The following TP53BP1 variants were observed in gnomAD, a reference collection of about 807,000 sequenced individuals.
The protein encoded by TP53BP1 is TP53-binding protein 1.
A neutral mutation model predicts 200.8 loss-of-function variants in TP53BP1; 61 were observed. The observed-to-expected ratio is 0.30, with a 90% CI of 0.25 to 0.38. The LOEUF (loss-of-function observed/expected upper bound fraction) is 0.38. Among genes scored for constraint, TP53BP1 ranks in the 10% least tolerant of loss-of-function variants. The probability of loss-of-function intolerance (pLI) is 1.00; values close to 1 mark genes in which losing one functional copy is unlikely to be tolerated. For missense variants in TP53BP1, 2,144 were observed against 2,371.9 expected (o/e 0.90, Z 2.00); for synonymous variants, 822 against 844.3 (o/e 0.97, Z 0.46).
intron 7 of TP53BP1, among the ~76,000 whole-genome samples, chr15:43,478,470 T>C (rs1046047208): frequency 6.6e-6 from 1 of 152,218 alleles, no homozygotes; most frequent in Non-Finnish European, 1.5e-5. Flanking sequence ...CTCCCCACTC[T>C]TTCCATTGAA....
At chr15:43,407,706 G>A (rs2044957179) in intron 27 of TP53BP1, 136 bp from the exon 28 acceptor site, 2 of 875,740 alleles carry the variant, frequency 2.3e-6, no homozygotes, top group South Asian at 1.8e-5. Context: ...CACTGCTACT[G>A]ATCATGACCA....
rs200106501 is a variant in TP53BP1 at position 43,421,962 on chromosome 15, G to A, written c.3993C>T (p.Ser1331=). The A allele has an allele frequency of 6.2e-7, 1 of 1,614,176 alleles. No homozygotes were observed. Among genetic ancestry groups the A allele is most frequent in the East Asian group, 2.2e-5 (1 of 44,886 alleles). The change falls in exon 19 of 28, where the codon AGC becomes AGT. Residue 1331 remains serine, a synonymous_variant. Coordinates refer to ENST00000382044, the MANE Select transcript of TP53BP1 (RefSeq NM_001141980.3). ...SSGTSLSAMH[S]SGSSGKGAGP... is the part of the protein sequence containing the mutation. ...CGGCTCCTTTCCCTGAGCTTCCACT[G>A]CTGTGCATAGCTGAGAGACTTGTCC...
chr15:43,459,314 G>A (rs1285260661), intron 11 of TP53BP1, among the ~76,000 whole-genome samples: 2 of 152,130 alleles, frequency 1.3e-5, no homozygotes, highest in Non-Finnish European at 2.9e-5. Context: ...TCCAGCCTCA[G>A]CGACAGAGCG....
intron 4 of TP53BP1, among the ~76,000 whole-genome samples, chr15:43,489,500 C>T (rs954017779): frequency 2.0e-5 from 3 of 152,202 alleles, no homozygotes; most frequent in African/African-American, 7.2e-5. Flanking sequence ...AGTGAAGCAG[C>T]TGGGTGTAAG....
chr15:43,461,880 G>A (rs1278059222), intron 11 of TP53BP1, among the ~76,000 whole-genome samples: 1 of 151,484 alleles, frequency 6.6e-6, no homozygotes, highest in Non-Finnish European at 1.5e-5. Flanking sequence ...GTGTTGGCCA[G>A]GCCGGTCTCA....
rs368366606 is a variant in TP53BP1 at position 43,409,044 on chromosome 15, C to G, written c.5453G>C (p.Arg1818Pro). Residue 1818 changes from arginine (R) to proline (P), a missense_variant, in exon 26 of 28, where the codon CGG (arginine) becomes CCG (proline). Physicochemically the swap from Arg to Pro is moderately radical, Grantham distance 103. Coordinates refer to ENST00000382044, the MANE Select transcript of TP53BP1 (RefSeq NM_001141980.3). ...ACTGGCAAGGCACAGGAAGTACTTCCGGGTTCGACAATGCTGATCCGCAAT... is the reference window on the plus strand; with the variant it reads ...ACTGGCAAGGCACAGGAAGTACTTCGGGGTTCGACAATGCTGATCCGCAAT... ...LLIADQHCRT[R>P]KYFLCLASGI... The G allele has an allele frequency of 1.2e-6, 2 of 1,614,072 alleles. No homozygotes were observed. The highest frequency in any genetic ancestry group is 2.7e-5 in the African/African-American group (2 of 74,922).
At chr15:43,412,492 C>T (rs910747533) in intron 24 of TP53BP1, among the ~76,000 whole-genome samples, 1 of 152,242 alleles carries the variant, frequency 6.6e-6, no homozygotes, top group African/African-American at 2.4e-5. Context: ...CCTCTACCCA[C>T]TGCAGCCTTC....
intron 14 of TP53BP1, among the ~76,000 whole-genome samples, chr15:43,444,360 G>A (rs1162293128): frequency 6.6e-6 from 1 of 152,166 alleles, no homozygotes; most frequent in Non-Finnish European, 1.5e-5. Context: ...TCCCACCTCA[G>A]CCTCTGGCAT....
intron 1 of TP53BP1, among the ~76,000 whole-genome samples, chr15:43,508,188 C>T (rs1482525463): frequency 6.6e-6 from 1 of 152,082 alleles, no homozygotes; most frequent in Non-Finnish European, 1.5e-5. Context: ...GGTGAAACCC[C>T]GTCTCTACTA....
In TP53BP1 at chr15:43,415,233, GT is replaced by G. The variant is rs763516790; in HGVS notation, c.5089+360del. 2.1e-3 allele frequency: 345 copies of G among 166,182 alleles called. 14 individuals are homozygous for G. The highest frequency in any genetic ancestry group is 4.1e-4 in the Non-Finnish European group (34 of 83,384). The allele number at this position is 166,182 out of a possible 1,614,324, so 10.3% of individuals were successfully genotyped here. On this transcript the variant is annotated intron_variant, in intron 23 of 27. Transcript: ENST00000382044. ...TTTTTTTTTTTTTTCTGGAGACCAAGTTTCACTCTTGTTGCCCAGGCTGGAG... is the reference window on the plus strand; with the variant it reads ...TTTTTTTTTTTTTTCTGGAGACCAAGTTCACTCTTGTTGCCCAGGCTGGAG...
At position 43,455,343 on chromosome 15, in the gene TP53BP1, ATAT is replaced by A. The variant is rs1401508482; in HGVS notation, c.2716+546_2716+548del. On this transcript the variant is annotated intron_variant, in intron 12 of 27. Coordinates refer to ENST00000382044, the MANE Select transcript of TP53BP1 (RefSeq NM_001141980.3). ...AAAAACAGATTGGTACAATTTCTAAATATTTTTTACCAACTAGTCCCGAGTTAC... is the reference window on the plus strand; with the variant it reads ...AAAAACAGATTGGTACAATTTCTAAATTTTTACCAACTAGTCCCGAGTTAC... 3.9e-5 allele frequency among the ~76,000 whole-genome samples: 6 copies of A among 152,294 alleles called. No homozygotes were observed. The East Asian group carries it at 1.2e-3, about 29-fold the overall frequency.
At chr15:43,487,355 T>C (rs1410225907) in intron 4 of TP53BP1, among the ~76,000 whole-genome samples, 3 of 152,156 alleles carry the variant, frequency 2.0e-5, no homozygotes, top group African/African-American at 4.8e-5. Context: ...CACTCATACA[T>C]TGCTGGTGGG....
intron 11 of TP53BP1, among the ~76,000 whole-genome samples, chr15:43,469,237 G>C (rs892219274): frequency 6.6e-6 from 1 of 151,682 alleles, no homozygotes; most frequent in African/African-American, 2.4e-5. Flanking sequence ...GTTTTCCCTC[G>C]CTTTTAGAAG....
chr15:43,425,892 T>C (rs1283328421), intron 18 of TP53BP1, among the ~76,000 whole-genome samples: 1 of 151,774 alleles, frequency 6.6e-6, no homozygotes, highest in Non-Finnish European at 1.5e-5. Context: ...GGTGAAACCC[T>C]GTCTCTACTA....
At position 43,493,050 on chromosome 15, in the gene TP53BP1, G is replaced by A. The variant is rs201906661; in HGVS notation, c.-7C>T. ...TCCAAACAGTACCAGGCATCCCGGC[G>A]GGAGGTCCCTCGCGCTCGAGCTAGA... On this transcript the variant is annotated 5_prime_UTR_variant, in exon 1 of 28. Coordinates refer to ENST00000382044, the MANE Select transcript of TP53BP1 (RefSeq NM_001141980.3). 2,830 of 1,613,116 alleles carry A rather than the reference G, an allele frequency of 1.8e-3. 7 individuals are homozygous for A. Among genetic ancestry groups the A allele is most frequent in the Non-Finnish European group, 1.5e-3 (1,809 of 1,179,666 alleles).
intron 13 of TP53BP1, chr15:43,446,830 A>G: frequency 6.8e-7 from 1 of 1,461,822 alleles, no homozygotes; most frequent in Non-Finnish European, 9.2e-7. Context: ...ATGCTGCATG[A>G]GCCCTCAGCC....
At chr15:43,476,277 A>G (rs1414266467) in intron 8 of TP53BP1, among the ~76,000 whole-genome samples, 1 of 152,178 alleles carries the variant, frequency 6.6e-6, no homozygotes. Flanking sequence ...AAAAATAAAT[A>G]AATAAATAAA....
chr15:43,475,287 G>A (rs996367527), intron 9 of TP53BP1, among the ~76,000 whole-genome samples: 1 of 152,198 alleles, frequency 6.6e-6, no homozygotes, highest in Non-Finnish European at 1.5e-5. Flanking sequence ...GTAAAACAGA[G>A]GAGCAGAATG....
intron 12 of TP53BP1, among the ~76,000 whole-genome samples, chr15:43,451,017 C>A (rs573752470): frequency 2.6e-5 from 4 of 152,098 alleles, no homozygotes; most frequent in Admixed American, 2.0e-4. Context: ...TGGAATTACG[C>A]GTGCACGCCA....
Sources: gnomAD v4.1 joint callset for allele counts (sites outside exome capture counted in the v4.1 genomes callset) on GRCh38, gnomAD v4.1.1 for gene constraint, MANE v1.5 for transcripts, NCBI Gene and HGNC (gene_info 2026-07-23, HGNC 2026-07-21) for gene names.